Variants in RALYL observed in about 807,000 individuals in gnomAD.
The protein encoded by RALYL is RNA-binding Raly-like protein.
In RALYL, 29 loss-of-function variants were observed where a neutral mutation model predicts 35.1. That is an observed-to-expected ratio of 0.83 (90% CI 0.61 to 1.13). The LOEUF is 1.13. Ranked by LOEUF, RALYL falls within the 50% of genes most tolerant of loss-of-function variation. The pLI, the probability that RALYL is intolerant of heterozygous loss-of-function variation, is 0.00. For missense variants in RALYL, 359 were observed against 360.4 expected (o/e 1.00, Z 0.03); for synonymous variants, 120 against 127.6 (o/e 0.94, Z 0.40).
intron 1 of RALYL, among the ~76,000 whole-genome samples, chr8:84,293,086 A>G (rs1047642887): frequency 1.3e-5 from 2 of 152,160 alleles, no homozygotes; most frequent in African/African-American, 4.8e-5. Context: ...ATTACATAAT[A>G]TGGTAATGGA....
chr8:84,844,740 G>C (rs928323981), intron 4 of RALYL, among the ~76,000 whole-genome samples: 5 of 152,162 alleles, frequency 3.3e-5, no homozygotes, highest in Non-Finnish European at 5.9e-5. Context: ...CAATGATAGA[G>C]TGGATTAAGA....
At chr8:84,818,192 A>G (rs13277082) in intron 4 of RALYL, among the ~76,000 whole-genome samples, 2 of 152,206 alleles carry the variant, frequency 1.3e-5, no homozygotes, top group African/African-American at 4.8e-5. Flanking sequence ...GGCTGTACTT[A>G]GAGTGATATA....
At chr8:84,855,221 C>A (rs1020785726) in intron 5 of RALYL, among the ~76,000 whole-genome samples, 4 of 152,220 alleles carry the variant, frequency 2.6e-5, no homozygotes, top group East Asian at 3.8e-4. Flanking sequence ...CCAACCCTAA[C>A]CCTCACCTCC....
At chr8:84,694,194 T>A (rs1343451313) in intron 2 of RALYL, among the ~76,000 whole-genome samples, 1 of 151,906 alleles carries the variant, frequency 6.6e-6, no homozygotes, top group Non-Finnish European at 1.5e-5. Context: ...GACATGATCT[T>A]ATATAGAGAA....
At chr8:84,562,971 A>G (rs1379217883) in intron 2 of RALYL, among the ~76,000 whole-genome samples, 2 of 151,868 alleles carry the variant, frequency 1.3e-5, no homozygotes, top group African/African-American at 2.4e-5. Flanking sequence ...CACCTAGACA[A>G]AGCTTTCCTT....
chr8:84,360,064 G>T (rs932703102), intron 1 of RALYL, among the ~76,000 whole-genome samples: 2 of 151,764 alleles, frequency 1.3e-5, no homozygotes, highest in African/African-American at 4.8e-5. Flanking sequence ...GTAAAGATGG[G>T]GTTTTGCCAT....
At position 84,686,770 on chromosome 8, in the gene RALYL, A is replaced by T. The variant is rs1836896849; in HGVS notation, c.257-87809A>T. Among the ~76,000 whole-genome samples, 3 of 152,214 alleles carry T rather than the reference A, an allele frequency of 2.0e-5. No individual in the cohort carries two copies. The South Asian group carries it at 6.2e-4, about 32-fold the overall frequency. ...TTCATCATCATAAGTGTTGTAATTC[A>T]CTTCCTTTTCCAACATTTGATTATT... On this transcript the variant is annotated intron_variant, in intron 2 of 8. Coordinates refer to ENST00000521268, the MANE Select transcript of RALYL (RefSeq NM_173848.7).
At chr8:84,820,557 C>CT (rs1163098109) in intron 4 of RALYL, among the ~76,000 whole-genome samples, 1 of 152,036 alleles carries the variant, frequency 6.6e-6, no homozygotes, top group Non-Finnish European at 1.5e-5. Flanking sequence ...TAATTTTACT[C>CT]TAAGTTCTGG....
At chr8:84,900,343 A>G (rs1327409996) in intron 8 of RALYL, among the ~76,000 whole-genome samples, 1 of 152,174 alleles carries the variant, frequency 6.6e-6, no homozygotes, top group Non-Finnish European at 1.5e-5. Context: ...AAAGCTAATT[A>G]TGAAAGTAGT....
chr8:84,299,673 A>G (rs573342750), intron 1 of RALYL, among the ~76,000 whole-genome samples: 24 of 152,076 alleles, frequency 1.6e-4, no homozygotes, highest in African/African-American at 5.3e-4. Context: ...TAGAATTTCA[A>G]TTTCCTGCTG....
At chr8:84,889,459 A>T (rs1036347584) in intron 8 of RALYL, among the ~76,000 whole-genome samples, 1 of 152,128 alleles carries the variant, frequency 6.6e-6, no homozygotes, top group Admixed American at 6.6e-5. Flanking sequence ...CCACTTGCTC[A>T]TTATCAGTTT....
At chr8:84,295,440 G>T (rs1839581622) in intron 1 of RALYL, among the ~76,000 whole-genome samples, 1 of 152,060 alleles carries the variant, frequency 6.6e-6, no homozygotes. Flanking sequence ...AGACAGTGAG[G>T]AATGGTTTTA....
rs566738019 is a variant in RALYL at position 84,211,902 on chromosome 8, A to G, written c.-24+27478A>G. On this transcript the variant is annotated intron_variant, in intron 1 of 8. Coordinates refer to ENST00000521268, the MANE Select transcript of RALYL (RefSeq NM_173848.7). ...TATCAAAAATTTATTTGGTACTTGT[A>G]TACTGCCAAGCAATATTATAAGCAC... is the stretch of plus-strand genomic sequence containing the variant. 3.9e-5 allele frequency among the ~76,000 whole-genome samples: 6 copies of G among 152,274 alleles called. No individual in the cohort carries two copies. In the South Asian group the frequency reaches 6.2e-4, roughly 16 times the overall value.
At chr8:84,526,447 A>G (rs1437113705) in intron 1 of RALYL, among the ~76,000 whole-genome samples, 1 of 152,162 alleles carries the variant, frequency 6.6e-6, no homozygotes, top group Non-Finnish European at 1.5e-5. Flanking sequence ...TTCTCCAGGT[A>G]GTCAATTTGG....
At chr8:84,634,135 T>C (rs571776572) in intron 2 of RALYL, among the ~76,000 whole-genome samples, 1 of 152,018 alleles carries the variant, frequency 6.6e-6, no homozygotes, top group East Asian at 1.9e-4. Context: ...ATTTGTATTA[T>C]TAAATTTCGT....
At chr8:84,258,380 A>G (rs1015131269) in intron 1 of RALYL, among the ~76,000 whole-genome samples, 4 of 152,178 alleles carry the variant, frequency 2.6e-5, no homozygotes, top group African/African-American at 9.6e-5. Context: ...TAAATTCTAC[A>G]TTTACATTGA....
Position 84,862,283 on chromosome 8 carries a change from G to A in RALYL, c.414-13G>A. 1 of 1,495,072 alleles carries A rather than the reference G, an allele frequency of 6.7e-7. No individual in the cohort carries two copies. The highest frequency in any genetic ancestry group is 2.2e-5 in the Admixed American group (1 of 45,614). 92.6% of individuals were successfully genotyped at this position (1,495,072 alleles called of 1,614,324 possible). On this transcript the variant is annotated splice_polypyrimidine_tract_variant and intron_variant, in intron 5 of 8. Transcript: ENST00000521268. ...ATCAAACCAACTCTCAGTCCCATTT[G>A]TGTTTTGTAAAGGTTATTTGATTAC...
intron 1 of RALYL, among the ~76,000 whole-genome samples, chr8:84,336,385 C>G (rs1340599565): frequency 6.6e-6 from 1 of 151,916 alleles, no homozygotes; most frequent in East Asian, 1.9e-4. Flanking sequence ...CTTCCAATGT[C>G]CTCACTTTTT....
chr8:84,503,216 T>C (rs1229157467), intron 1 of RALYL, among the ~76,000 whole-genome samples: 3 of 152,016 alleles, frequency 2.0e-5, no homozygotes, highest in African/African-American at 7.2e-5. Context: ...GGTAGGATCA[T>C]AGCTCGCTGC....
Sources: allele counts gnomAD v4.1 joint callset (sites outside exome capture counted in the v4.1 genomes callset), GRCh38; gene constraint gnomAD v4.1.1; transcripts MANE v1.5; gene names NCBI Gene and HGNC (gene_info 2026-07-23, HGNC 2026-07-21).